The following PLEKHA7 variants were observed in gnomAD, a reference collection of about 807,000 sequenced individuals.
PLEKHA7 encodes pleckstrin homology domain-containing family A member 7.
A neutral mutation model predicts 170.0 loss-of-function variants in PLEKHA7; 104 were observed. The ratio of observed to expected loss-of-function variants is 0.61; its 90% CI spans 0.52 to 0.72. The LOEUF (loss-of-function observed/expected upper bound fraction) is 0.72, where lower values mean the gene tolerates loss of function less well. Among genes scored for constraint, PLEKHA7 ranks in the 30% least tolerant of loss-of-function variants. PLEKHA7 has a pLI of 0.00. For missense variants in PLEKHA7, 1,615 were observed against 1,671.7 expected, an observed-to-expected ratio of 0.97 and a Z score of 0.59; for synonymous variants, 648 against 660.8, an observed-to-expected ratio of 0.98 and a Z score of 0.30.
chr11:17,004,358 G>A (rs1182517859), intron 3 of PLEKHA7, among the ~76,000 whole-genome samples: 1 of 151,582 alleles, frequency 6.6e-6, no homozygotes, highest in South Asian at 2.1e-4. Flanking sequence ...AAGAAGCTGA[G>A]CTAATGCAGT....
At chr11:16,861,140 G>A (rs747216987) in intron 4 of PLEKHA7, among the ~76,000 whole-genome samples, 2 of 152,118 alleles carry the variant, frequency 1.3e-5, no homozygotes, top group Non-Finnish European at 1.5e-5. Context: ...CATCCCAATA[G>A]CATCTTATAA....
Position 16,779,022 on chromosome 11 carries a change from T to TGGCAAAAAG in PLEKHA7, c.3794-11_3794-3dup. On this transcript the variant is annotated splice_region_variant and splice_polypyrimidine_tract_variant and intron_variant, in intron 26 of 26. Coordinates refer to ENST00000531066, the MANE Select transcript of PLEKHA7 (RefSeq NM_001329630.2). ...GTCACGGGTCAGTCACTGCCTGGGC[T>TGGCAAAAAG]GGCAAAAAGCACAGGAGACAGTGAG... 1 of 702,564 alleles carries TGGCAAAAAG rather than the reference T, an allele frequency of 1.4e-6. No individual in the cohort carries two copies. Among genetic ancestry groups the TGGCAAAAAG allele is most frequent in the Non-Finnish European group, 2.6e-6 (1 of 384,988 alleles). 43.5% of individuals were successfully genotyped at this position (702,564 alleles called of 1,614,324 possible).
At position 16,826,510 on chromosome 11, in the gene PLEKHA7, G is replaced by A. The variant is rs774465165; in HGVS notation, c.953C>T (p.Pro318Leu). The A allele has an allele frequency of 3.1e-6, 5 of 1,614,152 alleles. No homozygotes were observed. In the Admixed American group the frequency reaches 6.7e-5, roughly 22 times the overall value. ...ESCHECGRVGPGHTRDCPHRG... is the reference protein window; with the variant it reads ...ESCHECGRVGLGHTRDCPHRG... ...ATGAGGACAATCTCTCGTATGTCCG[G>A]GTCCCACCCGGCCACATTCGTGACA... The change falls in exon 10 of 27, where the codon CCC (proline) becomes CTC (leucine). Residue 318 changes from proline to leucine, a missense_variant. Transcript: ENST00000531066.
intron 3 of PLEKHA7, among the ~76,000 whole-genome samples, chr11:16,948,795 G>C (rs896321926): frequency 1.3e-5 from 2 of 152,174 alleles, no homozygotes; most frequent in Admixed American, 6.5e-5. Context: ...AGCAGAACTT[G>C]ATCATGAGCT....
chr11:16,807,649 C>T (rs1157602553), intron 13 of PLEKHA7, among the ~76,000 whole-genome samples: 1 of 152,200 alleles, frequency 6.6e-6, no homozygotes, highest in African/African-American at 2.4e-5. Context: ...ATGCATTCAT[C>T]TCACCCCCAC....
intron 3 of PLEKHA7, among the ~76,000 whole-genome samples, chr11:17,000,348 C>A (rs578122525): frequency 1.3e-4 from 20 of 152,184 alleles, no homozygotes; most frequent in Non-Finnish European, 2.9e-4. Flanking sequence ...CCTGCCTCAG[C>A]CTCCCAAAGT....
chr11:16,884,391 G>T (rs1394271566), intron 3 of PLEKHA7, among the ~76,000 whole-genome samples: 3 of 152,220 alleles, frequency 2.0e-5, no homozygotes, highest in African/African-American at 7.2e-5. Flanking sequence ...CCAACACTTT[G>T]GGAGGCCAAG....
At chr11:16,870,166 A>C (rs1290826941) in intron 4 of PLEKHA7, among the ~76,000 whole-genome samples, 1 of 152,182 alleles carries the variant, frequency 6.6e-6, no homozygotes, top group Non-Finnish European at 1.5e-5. Context: ...CCATGTTAGG[A>C]AAAGAGAACA....
chr11:16,940,891 G>A (rs1033017598), intron 3 of PLEKHA7, among the ~76,000 whole-genome samples: 2 of 152,124 alleles, frequency 1.3e-5, no homozygotes, highest in Admixed American at 1.3e-4. Context: ...TCCCTAGCCA[G>A]GTGGCTCTGA....
At chr11:16,907,822 G>T (rs1394319328) in intron 3 of PLEKHA7, among the ~76,000 whole-genome samples, 454 of 145,616 alleles carry the variant, frequency 3.1e-3, no homozygotes, top group African/African-American at 0.011. Context: ...GGAATAGAAA[G>T]GGGGGAAAGG....
chr11:16,782,930 C>T (rs898559099), intron 25 of PLEKHA7, 34 bp from the exon 26 acceptor site: 2 of 1,531,320 alleles, frequency 1.3e-6, no homozygotes, highest in Non-Finnish European at 1.7e-6. Flanking sequence ...CATGGGCCCT[C>T]CTGCCCTGGG....
chr11:16,785,767 T>C (rs1340756543), intron 24 of PLEKHA7, among the ~76,000 whole-genome samples: 1 of 152,116 alleles, frequency 6.6e-6, no homozygotes, highest in East Asian at 1.9e-4. Flanking sequence ...GGCTGGAAAT[T>C]TCGCCTGTGA....
At chr11:16,901,272 A>C (rs1857317761) in intron 3 of PLEKHA7, among the ~76,000 whole-genome samples, 1 of 152,236 alleles carries the variant, frequency 6.6e-6, no homozygotes, top group Non-Finnish European at 1.5e-5. Context: ...GAAAGCAGAG[A>C]GCTGAAGAAA....
At chr11:16,992,081 C>CA (rs1236270142) in intron 3 of PLEKHA7, among the ~76,000 whole-genome samples, 1 of 152,032 alleles carries the variant, frequency 6.6e-6, no homozygotes, top group African/African-American at 2.4e-5. Context: ...AGGGACCCCC[C>CA]CCAGCCTGGG....
intron 3 of PLEKHA7, among the ~76,000 whole-genome samples, chr11:16,999,848 T>C (rs1482380376): frequency 6.6e-6 from 1 of 152,174 alleles, no homozygotes; most frequent in Non-Finnish European, 1.5e-5. Context: ...GAATCACCTG[T>C]GGAGCTTGTG....
intron 1 of PLEKHA7, 41 bp downstream of exon 1, chr11:17,014,275 C>T (rs1865536861): frequency 7.1e-7 from 1 of 1,410,976 alleles, no homozygotes; most frequent in Non-Finnish European, 9.2e-7. Context: ...GCCCCCGCGC[C>T]CCCACCCGCG....
intron 4 of PLEKHA7, among the ~76,000 whole-genome samples, chr11:16,863,844 A>C (rs1854174909): frequency 6.7e-6 from 1 of 149,394 alleles, no homozygotes; most frequent in Non-Finnish European, 1.5e-5. Context: ...AATTCAAGAA[A>C]GTCACTGAGA....
At chr11:16,996,711 C>A (rs991262828) in intron 3 of PLEKHA7, among the ~76,000 whole-genome samples, 2 of 151,974 alleles carry the variant, frequency 1.3e-5, no homozygotes, top group Non-Finnish European at 2.9e-5. Flanking sequence ...CCGAGGCGGG[C>A]GGATCACGAG....
intron 3 of PLEKHA7, among the ~76,000 whole-genome samples, chr11:16,934,936 G>A (rs1040966572): frequency 6.6e-6 from 1 of 152,158 alleles, no homozygotes; most frequent in African/African-American, 2.4e-5. Flanking sequence ...ATACTTTTCT[G>A]TCCCTAATTG....
Sources: gnomAD v4.1 joint callset for allele counts (sites outside exome capture counted in the v4.1 genomes callset) on GRCh38, gnomAD v4.1.1 for gene constraint, MANE v1.5 for transcripts, NCBI Gene and HGNC (gene_info 2026-07-23, HGNC 2026-07-21) for gene names.